Variants in ARMH1 observed in about 807,000 individuals in gnomAD.
ARMH1 encodes the protein armadillo like helical domain containing 1.
ARMH1 carries 34 observed loss-of-function variants against 50.2 expected under a neutral mutation model. The observed-to-expected ratio is 0.68, with a 90% CI of 0.51 to 0.90. ARMH1 has a LOEUF of 0.90. Ranked by LOEUF, ARMH1 falls within the 40% of genes least tolerant of loss-of-function variation. The pLI is 0.00. For missense variants in ARMH1, 538 were observed against 553.9 expected (o/e 0.97, Z 0.29); for synonymous variants, 221 against 224.2 (o/e 0.99, Z 0.13).
chr1:44,698,340 C>G, intron 4 of ARMH1, 111 bp downstream of exon 4: 1 of 944,754 alleles, frequency 1.1e-6, no homozygotes, highest in Non-Finnish European at 1.5e-6. Context: ...GAACAGGAAG[C>G]TTTTTGTGCT....
intron 4 of ARMH1, among the ~76,000 whole-genome samples, chr1:44,699,695 A>G (rs1645973616): frequency 6.6e-6 from 1 of 151,776 alleles, no homozygotes; most frequent in South Asian, 2.1e-4. Context: ...CAAGCGATCC[A>G]CCCACCTCGG....
At chr1:44,700,110 G>A (rs1344175976) in intron 4 of ARMH1, among the ~76,000 whole-genome samples, 3 of 152,056 alleles carry the variant, frequency 2.0e-5, no homozygotes, top group African/African-American at 4.8e-5. Flanking sequence ...GATTACAGGC[G>A]TGAGCCACAA....
intron 2 of ARMH1, 67 bp downstream of exon 2, chr1:44,689,970 A>T: frequency 1.4e-6 from 2 of 1,447,050 alleles, no homozygotes; most frequent in Non-Finnish European, 1.9e-6. Context: ...CTGTAATCCC[A>T]GCACTTTGGG....
Position 44,724,693 on chromosome 1 carries a change from G to C in ARMH1, c.1050+25G>C, listed in dbSNP as rs775079760. 3.4e-6 allele frequency: 5 copies of C among 1,480,056 alleles called. No homozygotes were observed. The Admixed American group carries it at 1.0e-4, about 30-fold the overall frequency. 91.7% of individuals were successfully genotyped at this position (1,480,056 alleles called of 1,614,324 possible). A position where few individuals can be genotyped will look rare whatever the true frequency, so the allele number is the denominator to read the frequency against. ...GGTGCGCGCGGCGGCTGGTTAGGGG[G>C]CGGGAAGGGCGGCGGCACCCGCAGC... is the stretch of plus-strand genomic sequence containing the variant. On this transcript the variant is annotated intron_variant, in intron 9 of 11. Transcript: ENST00000535358. The surrounding 1 kb of genome is among the most constrained non-coding windows in gnomAD (Gnocchi z 6.4).
At chr1:44,725,028 G>A in intron 10 of ARMH1, 108 bp from the exon 11 acceptor site, 1 of 1,524,342 alleles carries the variant, frequency 6.6e-7, no homozygotes, top group Non-Finnish European at 8.8e-7. Context: ...TGCCCTTTCG[G>A]TCAGGCTGCC....
rs146524181 is a variant in ARMH1, at chr1:44,718,747, G to A, written c.725-5375G>A. 5.0e-3 allele frequency among the ~76,000 whole-genome samples: 764 copies of A among 152,296 alleles called. 8 individuals are homozygous for A. The highest frequency in any genetic ancestry group is 0.018 in the African/African-American group (741 of 41,554). On this transcript the variant is annotated intron_variant, in intron 6 of 11. Transcript: ENST00000535358. Reference sequence around the variant, plus strand: ...TGGTCATAAGAAGCGTTTCTGGGCCGGGCATGGTGGCCCATGCTTGTAATC... The same window carrying A: ...TGGTCATAAGAAGCGTTTCTGGGCCAGGCATGGTGGCCCATGCTTGTAATC...
chr1:44,704,683 T>C (rs547845588), intron 6 of ARMH1, among the ~76,000 whole-genome samples: 1 of 152,084 alleles, frequency 6.6e-6, no homozygotes, highest in Admixed American at 6.5e-5. Flanking sequence ...ATCTAACTTT[T>C]TAATTTTTTG....
chr1:44,725,345 A>C lies in ARMH1; in HGVS notation c.1265A>C (p.Asp422Ala), dbSNP rs1479059457. ...YSMNTLYGSR[D>A]SAQMAYLTHF... ...ATGAACACTCTCTATGGCTCGCGCG[A>C]TTCGGCTCAGATGGCCTACCTCACA... The change falls in exon 12 of 12, where the codon GAT (aspartate) becomes GCT (alanine). Residue 422 changes from aspartate to alanine, a missense_variant. Coordinates refer to ENST00000535358, the MANE Select transcript of ARMH1 (RefSeq NM_001145636.2). The C allele has an allele frequency of 3.2e-6, 5 of 1,551,700 alleles. No individual in the cohort carries two copies. The South Asian group carries it at 5.9e-5, about 18-fold the overall frequency.
chr1:44,703,480 T>G (rs1207936291), intron 5 of ARMH1, among the ~76,000 whole-genome samples: 1 of 150,666 alleles, frequency 6.6e-6, no homozygotes, highest in Non-Finnish European at 1.5e-5. Flanking sequence ...CCCAGCACTT[T>G]GGGAGGCTGA....
chr1:44,708,780 A>G (rs945447065), intron 6 of ARMH1, among the ~76,000 whole-genome samples: 1 of 152,160 alleles, frequency 6.6e-6, no homozygotes, highest in African/African-American at 2.4e-5. Context: ...GAGTCAGGTT[A>G]GCCACGTCCT....
At chr1:44,698,375 C>A in intron 4 of ARMH1, 146 bp downstream of exon 4, 1 of 594,782 alleles carries the variant, frequency 1.7e-6, no homozygotes, top group Non-Finnish European at 2.7e-6. Context: ...CACTGGAAGA[C>A]CCAGATTTAT....
At chr1:44,710,234 C>A (rs750100448) in intron 6 of ARMH1, among the ~76,000 whole-genome samples, 76 of 152,032 alleles carry the variant, frequency 5.0e-4, no homozygotes, top group Non-Finnish European at 8.2e-4. Context: ...TCGCAAGAAC[C>A]TCATTGTTAG....
rs957747370 is a variant in ARMH1, at chr1:44,681,027, C to T, written c.-23+6154C>T. Among the ~76,000 whole-genome samples the T allele has an allele frequency of 6.7e-6, 1 of 148,820 alleles. No homozygotes were observed. Among genetic ancestry groups the T allele is most frequent in the African/African-American group, 2.5e-5 (1 of 39,818 alleles). On this transcript the variant is annotated intron_variant, in intron 1 of 11. Transcript: ENST00000535358. This position sits in a 1 kb window ranked among gnomAD's most constrained non-coding sequence, Gnocchi z 4.3. ...TTTTTTTTTTTGAGACGGAGTCTCG[C>T]TCTGTCACCCAGGCTGGAGTGTAGT...
intron 4 of ARMH1, among the ~76,000 whole-genome samples, chr1:44,700,556 C>T (rs1345255569): frequency 2.1e-5 from 3 of 143,282 alleles, no homozygotes; most frequent in Admixed American, 7.4e-5. Context: ...GCAGAGGTTG[C>T]AGTGAGCCGA....
chr1:44,721,650 G>A lies in ARMH1; in HGVS notation c.725-2472G>A, dbSNP rs75352019. On this transcript the variant is annotated intron_variant, in intron 6 of 11. Transcript: ENST00000535358. ...AGGCTGAGGTGGGAGGATTGCTTGA[G>A]CATGGGAGATGGAGGTTGTAGTGAG... The A allele has an allele frequency of 6.6e-5, 10 of 152,248 alleles. No homozygotes were observed. The East Asian group carries it at 9.7e-4, about 15-fold the overall frequency. 9.4% of individuals were successfully genotyped at this position (152,248 alleles called of 1,614,324 possible).
intron 1 of ARMH1, among the ~76,000 whole-genome samples, chr1:44,679,828 C>T (rs1382192289): frequency 6.6e-6 from 1 of 152,236 alleles, no homozygotes; most frequent in East Asian, 1.9e-4. Context: ...ATTCACTCAG[C>T]GAGCATTTAT....
At chr1:44,719,316 A>G (rs1646986814) in intron 6 of ARMH1, among the ~76,000 whole-genome samples, 1 of 152,204 alleles carries the variant, frequency 6.6e-6, no homozygotes, top group Non-Finnish European at 1.5e-5. Flanking sequence ...GGCAAGAGGC[A>G]GAGGAGAGCA....
intron 5 of ARMH1, among the ~76,000 whole-genome samples, chr1:44,703,539 A>G (rs1388339269): frequency 7.1e-6 from 1 of 141,800 alleles, no homozygotes; most frequent in African/African-American, 2.6e-5. Flanking sequence ...CCTGGTCAAC[A>G]TGGGGAAACT....
chr1:44,699,886 G>A (rs1645985003), intron 4 of ARMH1, among the ~76,000 whole-genome samples: 2 of 149,356 alleles, frequency 1.3e-5, no homozygotes, highest in South Asian at 4.2e-4. Flanking sequence ...CTGGAGTGCA[G>A]TGGCACGGTC....
Sources: gnomAD v4.1 joint callset for allele counts (sites outside exome capture counted in the v4.1 genomes callset) on GRCh38, gnomAD v4.1.1 for gene constraint, Gnocchi (gnomAD v3.1) non-coding constraint, MANE v1.5 for transcripts, NCBI Gene and HGNC (gene_info 2026-07-23, HGNC 2026-07-21) for gene names.